Variants in RGS12 observed in about 807,000 individuals in gnomAD.
The protein encoded by RGS12 is regulator of G protein signaling 12, also known as regulator of G-protein signaling 12.
A neutral mutation model predicts 120.1 loss-of-function variants in RGS12; 66 were observed. The ratio of observed to expected loss-of-function variants is 0.55; its 90% CI spans 0.45 to 0.67. The LOEUF (loss-of-function observed/expected upper bound fraction) is 0.67, where lower values mean the gene tolerates loss of function less well. Among genes scored for constraint, RGS12 ranks in the 30% least tolerant of loss-of-function variants. RGS12 has a pLI of 0.00. For missense variants in RGS12, 1,859 were observed against 1,957.7 expected (o/e 0.95, Z 0.95); for synonymous variants, 827 against 804.7 (o/e 1.03, Z -0.47).
rs375088452 is a variant in RGS12 at position 3,332,628 on chromosome 4, C to T, written c.1882-10309C>T. On this transcript the variant is annotated intron_variant, in intron 2 of 17. Transcript: ENST00000336727. ...GCTCTGCGTTTCCTCTCTGTTGAGG[C>T]GCCTACTCAAACCTTTTGGTCCCTC... 5.3e-5 allele frequency among the ~76,000 whole-genome samples: 8 copies of T among 152,174 alleles called. No individual in the cohort carries two copies. In the East Asian group the frequency reaches 7.7e-4, roughly 15 times the overall value.
chr4:3,369,977 C>T (rs1716794973), intron 3 of RGS12: 1 of 1,191,110 alleles, frequency 8.4e-7, no homozygotes. Flanking sequence ...TGAGAAATTA[C>T]CCCTGTCGGC....
At position 3,386,374 on chromosome 4, in the gene RGS12, A is replaced by G. The variant is rs1223158060; in HGVS notation, c.1999-42A>G. On this transcript the variant is annotated intron_variant, in intron 3 of 17. Coordinates refer to ENST00000336727, the MANE Select transcript of RGS12 (RefSeq NM_001394154.1). ...ACTTTTCGTTTCCTGGAGTTTTGTC[A>G]TGAGGCTTAATTAACTCATGTCTCT... 5 of 1,600,098 alleles carry G rather than the reference A, an allele frequency of 3.1e-6. No homozygotes were observed. In the Admixed American group the frequency reaches 5.0e-5, roughly 16 times the overall value.
At chr4:3,286,866 C>T in the RGS12 span, among the ~76,000 whole-genome samples, 5 of 152,208 alleles carry the variant, frequency 3.3e-5, no homozygotes, top group African/African-American at 7.2e-5. Flanking sequence ...AATGGGAGCC[C>T]GGTCAGCAGT....
intron 2 of RGS12, among the ~76,000 whole-genome samples, chr4:3,327,714 ACAGT>A (rs1282845327): frequency 1.3e-5 from 2 of 152,232 alleles, no homozygotes. Context: ...AATTAAAACC[ACAGT>A]CAGATATCAT....
At chr4:3,342,430 C>G (rs929132617) in intron 2 of RGS12, 4 of 1,268,922 alleles carry the variant, frequency 3.2e-6, no homozygotes, top group Non-Finnish European at 4.1e-6. Flanking sequence ...TTTCCTGCGC[C>G]GGAGTTGGTT....
intron 3 of RGS12, among the ~76,000 whole-genome samples, chr4:3,347,272 G>A (rs563354360): frequency 6.3e-4 from 96 of 152,032 alleles, no homozygotes; most frequent in Non-Finnish European, 1.2e-3. Context: ...GTGAGACCCC[G>A]TCTCTACTAA....
intron 3 of RGS12, among the ~76,000 whole-genome samples, chr4:3,369,572 T>C (rs931176206): frequency 1.3e-5 from 2 of 152,210 alleles, no homozygotes; most frequent in Non-Finnish European, 2.9e-5. Flanking sequence ...GACGAGACTC[T>C]AGGTGGCCCA....
At chr4:3,432,884 C>T (rs1382952082) in intron 17 of RGS12, among the ~76,000 whole-genome samples, 1 of 152,216 alleles carries the variant, frequency 6.6e-6, no homozygotes, top group East Asian at 1.9e-4. Context: ...TGTGTGTCCT[C>T]CACGTGCCTG....
At chr4:3,346,842 C>T (rs77164002) in intron 3 of RGS12, among the ~76,000 whole-genome samples, 10 of 152,160 alleles carry the variant, frequency 6.6e-5, no homozygotes, top group Non-Finnish European at 8.8e-5. Flanking sequence ...GGGCCTGATA[C>T]GAAGTGACAG....
At chr4:3,302,892 C>T (rs1414355359) in intron 1 of RGS12, among the ~76,000 whole-genome samples, 1 of 152,010 alleles carries the variant, frequency 6.6e-6, no homozygotes, top group Non-Finnish European at 1.5e-5. Flanking sequence ...TCCTGCATGG[C>T]CTGGCCCTGC....
intron 1 of RGS12, among the ~76,000 whole-genome samples, chr4:3,307,769 T>C (rs1240141460): frequency 1.3e-5 from 2 of 152,222 alleles, no homozygotes; most frequent in African/African-American, 4.8e-5. Flanking sequence ...TGTTTCCTTG[T>C]GTTAGCAGAA....
At chr4:3,428,509 TGTC>T (rs751558549) in intron 15 of RGS12, 46 bp from the exon 16 acceptor site, 105 of 1,458,770 alleles carry the variant, frequency 7.2e-5, no homozygotes, top group Non-Finnish European at 8.4e-5. Flanking sequence ...AATGATGTAT[TGTC>T]GTGTATTGAA....
At chr4:3,348,147 G>A (rs192957106) in intron 3 of RGS12, among the ~76,000 whole-genome samples, 60 of 152,250 alleles carry the variant, frequency 3.9e-4, no homozygotes, top group Middle Eastern at 3.4e-3. Context: ...TCTTGGGGAA[G>A]CCCATCAAAG....
chr4:3,380,763 G>A (rs1342692665), intron 3 of RGS12, among the ~76,000 whole-genome samples: 1 of 152,178 alleles, frequency 6.6e-6, no homozygotes, highest in Non-Finnish European at 1.5e-5. Context: ...GTTGCATAGA[G>A]CAGGGAGGCC....
chr4:3,309,344 G>A (rs1395260552), intron 1 of RGS12, among the ~76,000 whole-genome samples: 7 of 141,220 alleles, frequency 5.0e-5, no homozygotes, highest in Non-Finnish European at 1.1e-4. Context: ...GCTGGGATCC[G>A]GGAATGGCAG....
At chr4:3,438,210 C>T (rs1346409731) in intron 17 of RGS12, among the ~76,000 whole-genome samples, 4 of 152,254 alleles carry the variant, frequency 2.6e-5, no homozygotes, top group Non-Finnish European at 5.9e-5. Context: ...GCCTCAAGGC[C>T]TCCACCCTGG....
Position 3,317,308 on chromosome 4 carries a change from C to T in RGS12, c.1138C>T (p.Leu380Phe), listed in dbSNP as rs1341540921. ...NGCLEFPASS[L>F]PVLQFISVLY... ...CTGTCTGGAATTCCCGGCGTCCTCC[C>T]TCCCCGTCCTGCAGTTCATCTCTGT... Residue 380 changes from leucine (L) to phenylalanine (F), a missense_variant, in exon 2 of 18, where the codon CTC becomes TTC. Physicochemically the swap from Leu to Phe is conservative, Grantham distance 22. Coordinates refer to ENST00000336727, the MANE Select transcript of RGS12 (RefSeq NM_001394154.1). 38 of 1,614,184 alleles carry T rather than the reference C, an allele frequency of 2.4e-5. No individual in the cohort carries two copies. Among genetic ancestry groups the T allele is most frequent in the Non-Finnish European group, 2.6e-5 (31 of 1,180,052 alleles).
chr4:3,346,339 C>T (rs547848066), intron 3 of RGS12, among the ~76,000 whole-genome samples: 7 of 152,102 alleles, frequency 4.6e-5, no homozygotes, highest in South Asian at 4.1e-4. Flanking sequence ...ATTATTCTGC[C>T]GAGTCAAAAA....
intron 1 of RGS12, among the ~76,000 whole-genome samples, chr4:3,307,529 A>G (rs1294453884): frequency 1.3e-5 from 2 of 152,282 alleles, no homozygotes; most frequent in Non-Finnish European, 2.9e-5. Flanking sequence ...TGTAGAAAAC[A>G]TGCACAGAAA....
Sources: gnomAD v4.1 joint callset for allele counts (sites outside exome capture counted in the v4.1 genomes callset) on GRCh38, gnomAD v4.1.1 for gene constraint, MANE v1.5 for transcripts, NCBI Gene and HGNC (gene_info 2026-07-23, HGNC 2026-07-21) for gene names.